Variants in NLGN1 observed in about 807,000 individuals in gnomAD.
NLGN1 encodes the protein neuroligin 1.
In NLGN1, 12 loss-of-function variants were observed where a neutral mutation model predicts 65.5. The observed-to-expected ratio is 0.18, with a 90% CI of 0.12 to 0.30. The LOEUF (loss-of-function observed/expected upper bound fraction) is 0.30, where lower values mean the gene tolerates loss of function less well. NLGN1 is among the 10% of genes least tolerant of loss of function. NLGN1 has a pLI of 1.00. For missense variants in NLGN1, 750 were observed against 1,007.1 expected (o/e 0.74, Z 3.46); for synonymous variants, 350 against 359.5 (o/e 0.97, Z 0.30).
At chr3:173,399,504 T>G (rs1560198629) in intron 1 of NLGN1, 1 of 152,332 alleles carries the variant, frequency 6.6e-6, no homozygotes, top group South Asian at 2.1e-4. Flanking sequence ...CAAATGTAAA[T>G]GTTTGAATGG....
chr3:173,553,537 C>G (rs181759333), intron 2 of NLGN1, among the ~76,000 whole-genome samples: 67 of 152,280 alleles, frequency 4.4e-4, no homozygotes, highest in African/African-American at 1.5e-3. Flanking sequence ...GTCATGGGCT[C>G]TGTTGAAAGA....
At chr3:173,900,641 T>C (rs1265287411) in intron 4 of NLGN1, among the ~76,000 whole-genome samples, 1 of 152,040 alleles carries the variant, frequency 6.6e-6, no homozygotes, top group Non-Finnish European at 1.5e-5. Context: ...ATAGGCAAGA[T>C]TTACTTAAGA....
At chr3:173,655,508 A>T (rs1193281836) in intron 3 of NLGN1, among the ~76,000 whole-genome samples, 1 of 151,974 alleles carries the variant, frequency 6.6e-6, no homozygotes, top group African/African-American at 2.4e-5. Context: ...ATTTTGAGCT[A>T]CATTTTTGGA....
chr3:173,649,641 A>G (rs951478568), intron 3 of NLGN1, among the ~76,000 whole-genome samples: 1 of 152,096 alleles, frequency 6.6e-6, no homozygotes, highest in Non-Finnish European at 1.5e-5. Flanking sequence ...TAAAATAGGT[A>G]CTTATCGTTC....
chr3:173,785,941 C>G (rs1021295346), intron 3 of NLGN1, among the ~76,000 whole-genome samples: 10 of 152,030 alleles, frequency 6.6e-5, no homozygotes, highest in African/African-American at 2.4e-4. Context: ...ATTTTACTCC[C>G]CAGTGAGAGG....
chr3:174,028,571 CT>C (rs1729302026), intron 4 of NLGN1, among the ~76,000 whole-genome samples: 1 of 152,146 alleles, frequency 6.6e-6, no homozygotes, highest in Non-Finnish European at 1.5e-5. Flanking sequence ...GACTTGGGTG[CT>C]GTTAACAGCA....
At chr3:173,929,376 A>C (rs1397569560) in intron 4 of NLGN1, among the ~76,000 whole-genome samples, 2 of 152,010 alleles carry the variant, frequency 1.3e-5, no homozygotes, top group East Asian at 3.9e-4. Context: ...TTTCTTGAAA[A>C]TAACCAGCTA....
intron 4 of NLGN1, among the ~76,000 whole-genome samples, chr3:174,217,425 T>G (rs1737821829): frequency 6.6e-6 from 1 of 152,036 alleles, no homozygotes; most frequent in African/African-American, 2.4e-5. Flanking sequence ...CAGCAGAAAT[T>G]TATTTCTCAC....
intron 4 of NLGN1, among the ~76,000 whole-genome samples, chr3:173,845,489 T>C (rs751534369): frequency 1.9e-4 from 29 of 152,188 alleles, no homozygotes; most frequent in Non-Finnish European, 3.5e-4. Flanking sequence ...ATCTCTGTTG[T>C]GGCGAAATAA....
intron 4 of NLGN1, among the ~76,000 whole-genome samples, chr3:174,059,862 T>C (rs561963157): frequency 1.9e-4 from 29 of 152,248 alleles, no homozygotes; most frequent in Non-Finnish European, 4.3e-4. Flanking sequence ...CCTGGCTGCA[T>C]TTGGCAGCAT....
chr3:173,712,287 A>G (rs1486850774), intron 3 of NLGN1, among the ~76,000 whole-genome samples: 2 of 152,166 alleles, frequency 1.3e-5, no homozygotes, highest in Admixed American at 1.3e-4. Flanking sequence ...TGGGAAGGTA[A>G]TATGCTTGCT....
chr3:174,182,926 G>C (rs1288189921), intron 4 of NLGN1, among the ~76,000 whole-genome samples: 1 of 152,112 alleles, frequency 6.6e-6, no homozygotes, highest in Non-Finnish European at 1.5e-5. Context: ...CATTCAGAAA[G>C]ATCTTTCTAA....
intron 2 of NLGN1, among the ~76,000 whole-genome samples, chr3:173,463,058 A>T (rs946512919): frequency 6.6e-6 from 1 of 152,148 alleles, no homozygotes; most frequent in Non-Finnish European, 1.5e-5. Context: ...CCTTGTCCTA[A>T]TCCCTCTGGG....
intron 4 of NLGN1, among the ~76,000 whole-genome samples, chr3:174,241,591 A>G (rs181187982): frequency 5.7e-4 from 86 of 151,916 alleles, no homozygotes; most frequent in Admixed American, 5.2e-3. Flanking sequence ...GGATATTACA[A>G]TCTTTTGGGC....
chr3:173,569,942 T>G (rs924088344), intron 2 of NLGN1, among the ~76,000 whole-genome samples: 12 of 152,218 alleles, frequency 7.9e-5, no homozygotes, highest in Admixed American at 5.9e-4. Flanking sequence ...CAAATTCTGA[T>G]TATGATACTC....
At chr3:173,584,299 C>A (rs1316277827) in intron 2 of NLGN1, among the ~76,000 whole-genome samples, 1 of 148,820 alleles carries the variant, frequency 6.7e-6, no homozygotes, top group Non-Finnish European at 1.5e-5. Context: ...GAGATCCCTG[C>A]AATATCGCCT....
At chr3:173,494,595 G>A (rs191405260) in intron 2 of NLGN1, among the ~76,000 whole-genome samples, 4 of 151,692 alleles carry the variant, frequency 2.6e-5, no homozygotes, top group Admixed American at 1.3e-4. Flanking sequence ...TCTGTGACAT[G>A]CCTAAGAAAC....
chr3:174,287,732 C>G (rs1006137900), downstream of NLGN1, among the ~76,000 whole-genome samples: 1 of 151,458 alleles, frequency 6.6e-6, no homozygotes, highest in African/African-American at 2.4e-5. Flanking sequence ...CTGCCTTCCT[C>G]TGCACTACAG....
chr3:173,865,816 G>A (rs1730042577), intron 4 of NLGN1, among the ~76,000 whole-genome samples: 1 of 152,160 alleles, frequency 6.6e-6, no homozygotes, highest in African/African-American at 2.4e-5. Context: ...ACCTGACACT[G>A]GAAGAGAGAT....
Sources: allele counts gnomAD v4.1 joint callset (sites outside exome capture counted in the v4.1 genomes callset), GRCh38; gene constraint gnomAD v4.1.1; transcripts MANE v1.5; gene names NCBI Gene and HGNC (gene_info 2026-07-23, HGNC 2026-07-21).